The following PAGE4 variants were observed in gnomAD, a reference collection of about 807,000 sequenced individuals.
PAGE4 encodes P antigen family member 4.
PAGE4 carries 1 observed loss-of-function variant against 8.5 expected under a neutral mutation model. That is an observed-to-expected ratio of 0.12 (90% CI 0.04 to 0.56). The LOEUF (loss-of-function observed/expected upper bound fraction) is 0.56, where lower values mean the gene tolerates loss of function less well. PAGE4 is among the 20% of genes least tolerant of loss of function. The probability of loss-of-function intolerance (pLI) is 0.91; values close to 1 mark genes in which losing one functional copy is unlikely to be tolerated. For synonymous variants in PAGE4, 26 were observed against 26.3 expected, an observed-to-expected ratio of 0.99 and a Z score of 0.04; for missense variants, 93 against 82.7, an observed-to-expected ratio of 1.13 and a Z score of -0.49.
Position 49,830,658 on chromosome X carries a change from C to T in PAGE4, c.78+152C>T, listed in dbSNP as rs1208480357. 1.8e-5 allele frequency: 8 copies of T among 443,922 alleles called. No homozygotes were observed. The African/African-American group carries it at 2.0e-4, about 11-fold the overall frequency. 36.6% of individuals were successfully genotyped at this position (443,922 alleles called of 1,213,427 possible). A position where few individuals can be genotyped will look rare whatever the true frequency, so the allele number is the denominator to read the frequency against. On this transcript the variant is annotated intron_variant, in intron 2 of 4. Coordinates refer to ENST00000218068, the MANE Select transcript of PAGE4 (RefSeq NM_007003.4). ...TAAATCACATTAATGAGACATTGAG[C>T]AAGGAGACTTATTTTCTGATATTGT... is the stretch of plus-strand genomic sequence containing the variant.
At chrX:49,833,737 T>C in intron 4 of PAGE4, 109 bp from the exon 5 acceptor site, 1 of 542,016 alleles carries the variant, frequency 1.8e-6, no homozygotes. Context: ...AGCGTTCTGG[T>C]TTTAATTTCA....
Position 49,831,014 on chromosome X carries a change from A to G in PAGE4, c.96A>G (p.Gln32=), listed in dbSNP as rs782496249. The change falls in exon 3 of 5, where the codon CAA becomes CAG. Residue 32 remains glutamine (Q), a synonymous_variant. Coordinates refer to ENST00000218068, the MANE Select transcript of PAGE4 (RefSeq NM_007003.4). The part of the protein sequence containing the change: ...VAFVAPGESQ[Q]EEPPTDNQDI... ...CTCAAAAGCCCGGTGAATCTCAGCA[A>G]GAGGAACCACCAACTGACAATCAGG... The G allele has an allele frequency of 2.5e-6, 3 of 1,190,285 alleles. No individual in the cohort carries two copies. The highest frequency in any genetic ancestry group is 3.5e-5 in the African/African-American group (2 of 56,691).
intron 4 of PAGE4, among the ~76,000 whole-genome samples, chrX:49,832,858 A>G (rs1328569215): frequency 8.9e-6 from 1 of 111,986 alleles, no homozygotes; most frequent in Non-Finnish European, 1.9e-5. Flanking sequence ...TGGAGTAGAA[A>G]TCTTCCAAAA....
chrX:49,830,312 T>C (rs1266587563), intron 1 of PAGE4, 87 bp from the exon 2 acceptor site: 2 of 442,940 alleles, frequency 4.5e-6, no homozygotes, highest in East Asian at 3.8e-5. Flanking sequence ...TCAGGACCTA[T>C]TATGGAAATC....
In PAGE4 at chrX:49,833,998, C is replaced by T; in HGVS notation, c.*136C>T. 2.1e-6 allele frequency: 1 copy of T among 466,246 alleles called. No homozygotes were observed. 38.4% of individuals were successfully genotyped at this position (466,246 alleles called of 1,213,427 possible). A position where few individuals can be genotyped will look rare whatever the true frequency, so the allele number is the denominator to read the frequency against. The stretch of plus-strand genomic sequence containing the variant: ...ATGCGTGTCTTTTGTAAAATTTATT[C>T]CTAGGAAATTGACACTATTGTAAAT... On this transcript the variant is annotated 3_prime_UTR_variant, in exon 5 of 5. Transcript: ENST00000218068.
At chrX:49,833,302 C>A (rs1408048712) in intron 4 of PAGE4, among the ~76,000 whole-genome samples, 1 of 111,443 alleles carries the variant, frequency 9.0e-6, no homozygotes, top group African/African-American at 3.3e-5. Context: ...AAATGGCCAC[C>A]CTGGTATAAA....
intron 2 of PAGE4, chrX:49,830,743 T>C: frequency 2.3e-6 from 1 of 432,220 alleles, no homozygotes; most frequent in Non-Finnish European, 4.0e-6. Flanking sequence ...ATCATGCTTA[T>C]TAATAAATAA....
At position 49,832,512 on chromosome X, in the gene PAGE4, T is replaced by G. The variant is rs188402449; in HGVS notation, c.167-13T>G. The G allele has an allele frequency of 4.2e-4, 476 of 1,120,043 alleles. No homozygotes were observed. Among genetic ancestry groups the G allele is most frequent in the Admixed American group, 2.1e-3 (81 of 38,895 alleles). 92.3% of individuals were successfully genotyped at this position (1,120,043 alleles called of 1,213,427 possible). A position where few individuals can be genotyped will look rare whatever the true frequency, so the allele number is the denominator to read the frequency against. ...CTGCTTACTTATATCAATAACTTTT[T>G]TATTTATATAAGAACGTAAAGTAGA... On this transcript the variant is annotated splice_polypyrimidine_tract_variant and intron_variant, in intron 3 of 4. Transcript: ENST00000218068.
At chrX:49,832,705 CT>C in intron 4 of PAGE4, 55 bp downstream of exon 4, 1 of 1,015,910 alleles carries the variant, frequency 9.8e-7, no homozygotes, top group Non-Finnish European at 1.3e-6. Flanking sequence ...CTATAATATA[CT>C]TTAATAACAA....
In PAGE4 at chrX:49,831,038, G is replaced by T; in HGVS notation, c.120G>T (p.Gln40His). The T allele has an allele frequency of 8.4e-7, 1 of 1,194,435 alleles. No homozygotes were observed. Reference protein sequence around the residue: ...SQQEEPPTDNQDIEPGQEREG... With the variant: ...SQQEEPPTDNHDIEPGQEREG... The stretch of plus-strand genomic sequence containing the variant: ...AAGAGGAACCACCAACTGACAATCA[G>T]GATATTGAACCTGGACAAGAGAGAG... Residue 40 changes from glutamine (Q) to histidine (H), a missense_variant, in exon 3 of 5, where the codon CAG becomes CAT. Transcript: ENST00000218068.
chrX:49,832,605 G>T lies in PAGE4; in HGVS notation c.247G>T (p.Glu83Ter), dbSNP rs1602884071. 1 of 1,202,225 alleles carries T rather than the reference G, an allele frequency of 8.3e-7. No individual in the cohort carries two copies. Among genetic ancestry groups the T allele is most frequent in the Non-Finnish European group, 1.1e-6 (1 of 888,853 alleles). ...GCGTGGAGATGGCTCTGATGTAAAA[G>T]AGAAGACTCCACCTAATCCTAAGCA... ...SERGDGSDVK[E>*]KTPPNPKHAK... The change falls in exon 4 of 5, where the codon GAG becomes TAG. Residue 83 changes from glutamate (E) to a stop codon, truncating the protein, a stop_gained. Transcript: ENST00000218068. LOFTEE classifies it high-confidence loss of function.
At chrX:49,830,691 T>A (rs1923448740) in intron 2 of PAGE4, 185 bp downstream of exon 2, 1 of 439,428 alleles carries the variant, frequency 2.3e-6, no homozygotes, top group Non-Finnish European at 3.9e-6. Flanking sequence ...TGTCTGCATA[T>A]GTATGTTTTT....
At chrX:49,831,925 G>A (rs1386179388) in intron 3 of PAGE4, among the ~76,000 whole-genome samples, 2 of 111,674 alleles carry the variant, frequency 1.8e-5, no homozygotes, top group Non-Finnish European at 3.8e-5. Flanking sequence ...AATTGGCCTA[G>A]GAATGTCTTT....
chrX:49,831,846 A>T (rs782103384), intron 3 of PAGE4, among the ~76,000 whole-genome samples: 1 of 112,238 alleles, frequency 8.9e-6, no homozygotes, highest in South Asian at 3.7e-4. Context: ...ATAACCTCAG[A>T]ACAGTTATCA....
At chrX:49,833,341 A>G (rs1407321781) in intron 4 of PAGE4, among the ~76,000 whole-genome samples, 1 of 112,232 alleles carries the variant, frequency 8.9e-6, no homozygotes, top group African/African-American at 3.2e-5. Context: ...AACTAGATCA[A>G]TGAATTATTT....
At chrX:49,831,917 T>G (rs1315243922) in intron 3 of PAGE4, among the ~76,000 whole-genome samples, 1 of 111,910 alleles carries the variant, frequency 8.9e-6, no homozygotes, top group Admixed American at 9.5e-5. Context: ...GTTTTGTCAA[T>G]TGGCCTAGGA....
At chrX:49,832,467 TA>T in intron 3 of PAGE4, 57 bp from the exon 4 acceptor site, 1 of 813,146 alleles carries the variant, frequency 1.2e-6, no homozygotes, top group South Asian at 2.6e-5. Context: ...CTTTATTTAA[TA>T]ACACTAATTT....
chrX:49,831,107 T>C (rs1383657420), intron 3 of PAGE4, 23 bp downstream of exon 3: 3 of 1,031,144 alleles, frequency 2.9e-6, no homozygotes, highest in African/African-American at 1.9e-5. Context: ...TGGAGGAGCA[T>C]TTTGTGTTTC....
rs1313111530 is a variant in PAGE4 at position 49,832,670 on chromosome X, T to C, written c.292+20T>C. Reference sequence around the variant, plus strand: ...AAGCAGGTACGTTATTCATTCGGAATGGAAGTCATGGGGTTACTCTTTTTC... The same window carrying C: ...AAGCAGGTACGTTATTCATTCGGAACGGAAGTCATGGGGTTACTCTTTTTC... On this transcript the variant is annotated intron_variant, in intron 4 of 4. Transcript: ENST00000218068. 2 of 1,167,161 alleles carry C rather than the reference T, an allele frequency of 1.7e-6. No homozygotes were observed. The highest frequency in any genetic ancestry group is 2.3e-6 in the Non-Finnish European group (2 of 866,023).
Sources: gnomAD v4.1 joint callset for allele counts (sites outside exome capture counted in the v4.1 genomes callset) on GRCh38, gnomAD v4.1.1 for gene constraint, MANE v1.5 for transcripts, NCBI Gene and HGNC (gene_info 2026-07-23, HGNC 2026-07-21) for gene names.